The following PDE4B variants were observed in gnomAD, a reference collection of about 807,000 sequenced individuals.
PDE4B encodes phosphodiesterase 4B, also known as 3',5'-cyclic-AMP phosphodiesterase 4B.
Under a neutral mutation model 82.2 loss-of-function variants are expected in PDE4B, and 20 were observed. The observed-to-expected ratio is 0.24, with a 90% confidence interval of 0.17 to 0.35. PDE4B has a LOEUF of 0.35. Among genes scored for constraint, PDE4B ranks in the 10% least tolerant of loss-of-function variants. PDE4B has a pLI of 1.00. For missense variants in PDE4B, 655 were observed against 907.2 expected (o/e 0.72, Z 3.57); for synonymous variants, 320 against 318.9 (o/e 1.00, Z -0.04).
intron 1 of PDE4B, among the ~76,000 whole-genome samples, chr1:65,873,034 G>A (rs950781294): frequency 4.6e-5 from 7 of 152,106 alleles, no homozygotes; most frequent in African/African-American, 1.4e-4. Flanking sequence ...GAGTACTGGT[G>A]CTATGCCAAA....
chr1:66,169,041 AACAG>A (rs1474446868), intron 3 of PDE4B, among the ~76,000 whole-genome samples: 3 of 152,246 alleles, frequency 2.0e-5, no homozygotes, highest in African/African-American at 7.2e-5. Context: ...TGCCCTGAAA[AACAG>A]ACAAAGGGGA....
chr1:66,053,709 A>G (rs533524009), intron 3 of PDE4B, among the ~76,000 whole-genome samples: 1 of 151,982 alleles, frequency 6.6e-6, no homozygotes. Flanking sequence ...AATACAAAAA[A>G]TTGGCCGGGG....
intron 1 of PDE4B, among the ~76,000 whole-genome samples, chr1:65,841,374 G>GGAAAA: frequency 8.1e-6 from 1 of 123,446 alleles, no homozygotes; most frequent in African/African-American, 3.1e-5. Flanking sequence ...GAAAGGGAAA[G>GGAAAA]GAAAGGAAAG....
chr1:66,116,925 T>A (rs1238805928), intron 3 of PDE4B, among the ~76,000 whole-genome samples: 1 of 152,146 alleles, frequency 6.6e-6, no homozygotes, highest in Non-Finnish European at 1.5e-5. Flanking sequence ...AGCCCCAGGA[T>A]GTCACCTGGC....
At chr1:66,172,930 A>G (rs541164594) in intron 3 of PDE4B, among the ~76,000 whole-genome samples, 16 of 152,318 alleles carry the variant, frequency 1.1e-4, no homozygotes, top group African/African-American at 3.4e-4. Flanking sequence ...AGTACTTTCT[A>G]TGTACCAGGT....
chr1:66,313,605 A>G (rs1199860348), intron 7 of PDE4B, among the ~76,000 whole-genome samples: 1 of 152,206 alleles, frequency 6.6e-6, no homozygotes, highest in African/African-American at 2.4e-5. Context: ...CTGAGGAGAA[A>G]TCTCCTGCAT....
chr1:65,810,377 G>A (rs1194282657), intron 1 of PDE4B, among the ~76,000 whole-genome samples: 2 of 152,218 alleles, frequency 1.3e-5, no homozygotes, highest in East Asian at 1.9e-4. Context: ...CTATTACCTT[G>A]TGATGAAAGC....
At chr1:66,074,673 T>C (rs563385662) in intron 3 of PDE4B, among the ~76,000 whole-genome samples, 34 of 143,116 alleles carry the variant, frequency 2.4e-4, no homozygotes, top group African/African-American at 8.6e-4. Context: ...ACTAATCTGC[T>C]TTCTATTTCT....
Position 65,862,443 on chromosome 1 carries a change from C to T in PDE4B, c.-70-50802C>T, listed in dbSNP as rs556104354. ...AAGCTTTTTGATGTGCAACTGGATT[C>T]GGTTTGCCAGTATTTTATTGAGGAT... On this transcript the variant is annotated intron_variant, in intron 1 of 16. Coordinates refer to ENST00000341517, the MANE Select transcript of PDE4B (RefSeq NM_002600.4). 1.4e-4 allele frequency among the ~76,000 whole-genome samples: 21 copies of T among 152,216 alleles called. No homozygotes were observed. In the South Asian group the frequency reaches 1.5e-3, roughly 11 times the overall value.
chr1:66,211,919 G>A (rs1035931584), intron 3 of PDE4B, among the ~76,000 whole-genome samples: 1 of 152,204 alleles, frequency 6.6e-6, no homozygotes, highest in South Asian at 2.1e-4. Context: ...TATACTTGGT[G>A]AATCTAACCC....
Position 66,361,620 on chromosome 1 carries a change from C to A in PDE4B, c.847C>A (p.Gln283Lys), listed in dbSNP as rs746896228. 2.7e-5 allele frequency: 44 copies of A among 1,611,720 alleles called. No homozygotes were observed. Among genetic ancestry groups the A allele is most frequent in the Non-Finnish European group, 3.7e-5 (44 of 1,178,768 alleles). The part of the protein sequence containing the change: ...EYISNTFLDK[Q>K]NDVEIPSPTQ... ...TATTCCTTTGTCTGTTGCAGACAAGCAGAATGATGTGGAGATCCCATCTCC... is the reference window on the plus strand; with the variant it reads ...TATTCCTTTGTCTGTTGCAGACAAGAAGAATGATGTGGAGATCCCATCTCC... The change falls in exon 10 of 17, where the codon CAG becomes AAG. Residue 283 changes from glutamine to lysine, a missense_variant. Gln to Lys is a moderately conservative substitution (Grantham distance 53, BLOSUM62 1). Coordinates refer to ENST00000341517, the MANE Select transcript of PDE4B (RefSeq NM_002600.4).
intron 3 of PDE4B, among the ~76,000 whole-genome samples, chr1:66,081,146 G>A (rs867629414): frequency 1.3e-5 from 2 of 152,204 alleles, no homozygotes; most frequent in African/African-American, 4.8e-5. Flanking sequence ...CTCCATGTGA[G>A]GAAATTCAAT....
intron 7 of PDE4B, among the ~76,000 whole-genome samples, chr1:66,273,611 A>T (rs1461817703): frequency 6.6e-6 from 1 of 152,252 alleles, no homozygotes; most frequent in Non-Finnish European, 1.5e-5. Flanking sequence ...TACACTTGTC[A>T]TACTGTATTG....
intron 3 of PDE4B, among the ~76,000 whole-genome samples, chr1:66,044,436 A>G (rs901436466): frequency 4.0e-5 from 6 of 151,782 alleles, no homozygotes; most frequent in African/African-American, 1.2e-4. Context: ...TAGAAGAGAA[A>G]AGTAATGAAT....
chr1:66,277,836 A>G (rs1656002077), intron 7 of PDE4B, among the ~76,000 whole-genome samples: 1 of 152,246 alleles, frequency 6.6e-6, no homozygotes, highest in African/African-American at 2.4e-5. Flanking sequence ...TTAAGAAGAC[A>G]GGCTCTGCAG....
At chr1:66,226,349 G>T (rs1056633347) in intron 3 of PDE4B, among the ~76,000 whole-genome samples, 2 of 152,182 alleles carry the variant, frequency 1.3e-5, no homozygotes, top group African/African-American at 4.8e-5. Context: ...GAGAGATACT[G>T]ATTAAAAATG....
At chr1:66,127,008 A>C (rs570480652) in intron 3 of PDE4B, among the ~76,000 whole-genome samples, 1 of 152,166 alleles carries the variant, frequency 6.6e-6, no homozygotes, top group Non-Finnish European at 1.5e-5. Context: ...AGAGGGGGGA[A>C]CTATTATAGA....
chr1:66,176,262 C>T (rs776900266), intron 3 of PDE4B, among the ~76,000 whole-genome samples: 4 of 152,194 alleles, frequency 2.6e-5, no homozygotes, highest in Non-Finnish European at 5.9e-5. Context: ...GCTAATCTAA[C>T]GGATAGTGTC....
chr1:66,089,454 T>C (rs74084603), intron 3 of PDE4B, among the ~76,000 whole-genome samples: 2,926 of 152,206 alleles, frequency 0.019, 84 homozygotes, highest in African/African-American at 0.068. Flanking sequence ...AAGCAAGATA[T>C]GGCCAAGGAC....
Sources: allele counts gnomAD v4.1 joint callset (sites outside exome capture counted in the v4.1 genomes callset), GRCh38; gene constraint gnomAD v4.1.1; transcripts MANE v1.5; gene names NCBI Gene and HGNC (gene_info 2026-07-23, HGNC 2026-07-21).